SUMF1: variants seen among roughly 807,000 people sequenced by gnomAD.
SUMF1 encodes formylglycine-generating enzyme.
SUMF1 carries 48 observed loss-of-function variants against 47.6 expected under a neutral mutation model. The ratio of observed to expected loss-of-function variants is 1.01; its 90% CI spans 0.80 to 1.28. The LOEUF (loss-of-function observed/expected upper bound fraction) is 1.28. Among genes scored for constraint, SUMF1 ranks in the 50% most tolerant of loss-of-function variants. The pLI is 0.00. For synonymous variants in SUMF1, 230 were observed against 192.1 expected, an observed-to-expected ratio of 1.20 and a Z score of -1.63; for missense variants, 571 against 485.4, an observed-to-expected ratio of 1.18 and a Z score of -1.66.
chr3:4,167,987 T>C (rs540773267), intron 8 of SUMF1, among the ~76,000 whole-genome samples: 113 of 152,276 alleles, frequency 7.4e-4, no homozygotes, highest in South Asian at 4.6e-3. Flanking sequence ...CATAGTCTTA[T>C]CCAGTTCTGT....
chr3:4,369,356 G>A (rs960335783), intron 8 of SUMF1, among the ~76,000 whole-genome samples: 1 of 152,186 alleles, frequency 6.6e-6, no homozygotes, highest in East Asian at 1.9e-4. Context: ...TGCAATGGAA[G>A]CTCTCAAATG....
intron 1 of SUMF1, among the ~76,000 whole-genome samples, chr3:4,459,432 C>T (rs997572822): frequency 9.2e-5 from 14 of 152,056 alleles, no homozygotes; most frequent in African/African-American, 2.2e-4. Context: ...CTTAGCAATA[C>T]GGGCAGAAGC....
intron 8 of SUMF1, among the ~76,000 whole-genome samples, chr3:4,197,803 C>T (rs1695460893): frequency 6.6e-6 from 1 of 152,068 alleles, no homozygotes; most frequent in African/African-American, 2.4e-5. Flanking sequence ...GCAAAACGCG[C>T]CTTGTGCAAT....
intron 6 of SUMF1, 27 bp from the exon 7 acceptor site, chr3:4,411,005 G>T (rs201767774): frequency 1.0e-5 from 16 of 1,572,226 alleles, no homozygotes; most frequent in Non-Finnish European, 2.6e-6. Context: ...GAAAAATGCT[G>T]TCAAACTATT....
intron 8 of SUMF1, among the ~76,000 whole-genome samples, chr3:4,351,718 A>C: frequency 6.6e-6 from 1 of 152,182 alleles, no homozygotes; most frequent in East Asian, 1.9e-4. Context: ...TGATGGAAAC[A>C]CGTCTTTCAA....
At chr3:4,238,489 T>C (rs1696460614) in intron 8 of SUMF1, among the ~76,000 whole-genome samples, 1 of 152,206 alleles carries the variant, frequency 6.6e-6, no homozygotes, top group Non-Finnish European at 1.5e-5. Context: ...TGAGATGGTA[T>C]CTCATTGTGG....
chr3:4,303,563 G>A lies in SUMF1; in HGVS notation c.1014+72767C>T, dbSNP rs1420958195. On this transcript the variant is annotated intron_variant and NMD_transcript_variant, in intron 8 of 12. Coordinates refer to the SUMF1 transcript ENST00000448413. ...GCCAGGCGGCGCGGGAGGCGGGCGCGCGGCTCCCCCACGTGGTCTCCTCAA... is the reference window on the plus strand; with the variant it reads ...GCCAGGCGGCGCGGGAGGCGGGCGCACGGCTCCCCCACGTGGTCTCCTCAA... 5 of 1,338,136 alleles carry A rather than the reference G, an allele frequency of 3.7e-6. No homozygotes were observed. In the African/African-American group the frequency reaches 7.8e-5, roughly 21 times the overall value. 82.9% of individuals were successfully genotyped at this position (1,338,136 alleles called of 1,614,324 possible).
chr3:4,112,725 G>C (rs764376898), intron 8 of SUMF1, among the ~76,000 whole-genome samples: 1 of 152,104 alleles, frequency 6.6e-6, no homozygotes, highest in Non-Finnish European at 1.5e-5. Context: ...AGCATAAGTG[G>C]AAACAGCTGG....
chr3:4,343,504 T>C (rs1699313842), intron 8 of SUMF1, among the ~76,000 whole-genome samples: 1 of 152,150 alleles, frequency 6.6e-6, no homozygotes. Flanking sequence ...TACCCCAGGG[T>C]TGTATTTCAG....
Position 4,105,817 on chromosome 3 carries a change from T to A in SUMF1, c.1015-37072A>T, listed in dbSNP as rs537385983. Among the ~76,000 whole-genome samples the A allele has an allele frequency of 5.9e-5, 9 of 152,252 alleles. 1 individual carries two copies. Among genetic ancestry groups the A allele is most frequent in the African/African-American group, 2.2e-4 (9 of 41,542 alleles). On this transcript the variant is annotated intron_variant and NMD_transcript_variant, in intron 8 of 12. Transcript: ENST00000448413. ...TATGCATTCTTACAAACTATTTTTA[T>A]ATGTTATTTACATAAATGTGTATCC...
intron 9 of SUMF1, among the ~76,000 whole-genome samples, chr3:4,044,485 T>C (rs971074261): frequency 6.6e-6 from 1 of 152,204 alleles, no homozygotes; most frequent in Non-Finnish European, 1.5e-5. Flanking sequence ...TAAAAGGGTA[T>C]GAGTATGAGG....
intron 8 of SUMF1, among the ~76,000 whole-genome samples, chr3:4,366,308 G>T (rs1404694873): frequency 1.3e-5 from 2 of 152,224 alleles, no homozygotes; most frequent in Non-Finnish European, 2.9e-5. Flanking sequence ...AACCTGCAGA[G>T]TGTTTCCAAC....
At chr3:4,465,576 A>C (rs1327107299) in intron 1 of SUMF1, among the ~76,000 whole-genome samples, 1 of 152,206 alleles carries the variant, frequency 6.6e-6, no homozygotes, top group South Asian at 2.1e-4. Flanking sequence ...ATACACACTA[A>C]AACAGTAATC....
chr3:4,307,875 C>G (rs188748219), intron 8 of SUMF1, among the ~76,000 whole-genome samples: 1 of 152,210 alleles, frequency 6.6e-6, no homozygotes, highest in Admixed American at 6.5e-5. Flanking sequence ...GAGACCCCAT[C>G]TCTACAAAAA....
chr3:4,227,545 T>A (rs962082969), intron 8 of SUMF1, among the ~76,000 whole-genome samples: 1 of 152,070 alleles, frequency 6.6e-6, no homozygotes, highest in Non-Finnish European at 1.5e-5. Context: ...CAGATAGACA[T>A]GTTCTCCACA....
chr3:4,357,177 A>C (rs1699637638), downstream of SUMF1, among the ~76,000 whole-genome samples: 1 of 152,158 alleles, frequency 6.6e-6, no homozygotes, highest in African/African-American at 2.4e-5. Flanking sequence ...GGAAGGAGGG[A>C]AGGAGGGAGA....
chr3:4,293,069 G>C (rs1384148786), intron 8 of SUMF1, among the ~76,000 whole-genome samples: 5 of 152,104 alleles, frequency 3.3e-5, no homozygotes, highest in African/African-American at 7.2e-5. Flanking sequence ...AATGATAAGA[G>C]AACAGCTAAA....
chr3:4,303,263 A>C, intron 8 of SUMF1: 2 of 1,269,436 alleles, frequency 1.6e-6, no homozygotes, highest in Non-Finnish European at 2.1e-6. Context: ...CCTGAGAAGA[A>C]ACGAACTACA....
chr3:4,252,222 G>T (rs1457133963), intron 8 of SUMF1, among the ~76,000 whole-genome samples: 1 of 152,134 alleles, frequency 6.6e-6, no homozygotes, highest in Non-Finnish European at 1.5e-5. Context: ...ATTAATGGTT[G>T]CCCCATGTCC....
Sources: gnomAD v4.1 joint callset for allele counts (sites outside exome capture counted in the v4.1 genomes callset) on GRCh38, gnomAD v4.1.1 for gene constraint, MANE v1.5 for transcripts, NCBI Gene and HGNC (gene_info 2026-07-23, HGNC 2026-07-21) for gene names.